Variants in SRGAP1 observed in about 807,000 individuals in gnomAD.
SRGAP1 encodes SLIT-ROBO Rho GTPase-activating protein 1.
SRGAP1 carries 43 observed loss-of-function variants against 121.9 expected under a neutral mutation model. That is an observed-to-expected ratio of 0.35 (90% CI 0.28 to 0.46). The LOEUF (loss-of-function observed/expected upper bound fraction) is 0.46, where lower values mean the gene tolerates loss of function less well. Ranked by LOEUF, SRGAP1 falls within the 20% of genes least tolerant of loss-of-function variation. SRGAP1 has a pLI of 1.00. For missense variants in SRGAP1, 1,102 were observed against 1,350.9 expected, an observed-to-expected ratio of 0.82 and a Z score of 2.89; for synonymous variants, 447 against 485.4, an observed-to-expected ratio of 0.92 and a Z score of 1.04.
At chr12:64,054,746 T>C (rs779839528) in intron 6 of SRGAP1, among the ~76,000 whole-genome samples, 69 of 152,152 alleles carry the variant, frequency 4.5e-4, no homozygotes, top group Non-Finnish European at 8.4e-4. Flanking sequence ...TTTTTTCTTT[T>C]ATTATTATAC....
intron 1 of SRGAP1, among the ~76,000 whole-genome samples, chr12:63,899,482 C>T (rs1162009723): frequency 6.6e-6 from 1 of 152,076 alleles, no homozygotes; most frequent in Non-Finnish European, 1.5e-5. Context: ...GCTACTGAAC[C>T]AGAATAGGTT....
intron 2 of SRGAP1, among the ~76,000 whole-genome samples, chr12:63,984,955 G>A (rs924109257): frequency 6.6e-6 from 1 of 150,678 alleles, no homozygotes; most frequent in Non-Finnish European, 1.5e-5. Context: ...GGCGGAGGTT[G>A]CAGTGAGCTG....
At chr12:64,118,938 C>A (rs1180667877) in intron 18 of SRGAP1, among the ~76,000 whole-genome samples, 1 of 152,058 alleles carries the variant, frequency 6.6e-6, no homozygotes, top group Non-Finnish European at 1.5e-5. Flanking sequence ...AACTCCTGAC[C>A]TCAAGTGATC....
intron 1 of SRGAP1, among the ~76,000 whole-genome samples, chr12:63,956,067 T>G (rs1366162498): frequency 1.3e-5 from 2 of 152,180 alleles, no homozygotes; most frequent in Non-Finnish European, 2.9e-5. Context: ...ATAAGAGTGA[T>G]TTCTTTTTTT....
chr12:63,932,544 C>G (rs1254052240), intron 1 of SRGAP1, among the ~76,000 whole-genome samples: 1 of 152,114 alleles, frequency 6.6e-6, no homozygotes, highest in African/African-American at 2.4e-5. Context: ...ATTACTAATT[C>G]TTTTCATGAA....
chr12:64,052,630 A>C (rs2136520832), intron 6 of SRGAP1, among the ~76,000 whole-genome samples: 1 of 152,296 alleles, frequency 6.6e-6, no homozygotes, highest in East Asian at 1.9e-4. Context: ...TTAAAAAAGA[A>C]AAAGCATGGA....
intron 2 of SRGAP1, 48 bp from the exon 3 acceptor site, chr12:63,989,862 G>C: frequency 6.6e-7 from 1 of 1,520,146 alleles, no homozygotes; most frequent in Non-Finnish European, 8.9e-7. Flanking sequence ...TCATCTGATT[G>C]GGGCAACTTT....
intron 21 of SRGAP1, among the ~76,000 whole-genome samples, chr12:64,137,013 C>T (rs2036866390): frequency 6.6e-6 from 1 of 152,212 alleles, no homozygotes; most frequent in African/African-American, 2.4e-5. Context: ...CCTGTAATCC[C>T]AGCACTTTGG....
chr12:63,874,186 T>C (rs1371147369), intron 1 of SRGAP1, among the ~76,000 whole-genome samples: 1 of 152,056 alleles, frequency 6.6e-6, no homozygotes, highest in Non-Finnish European at 1.5e-5. Context: ...GTTAGCATAA[T>C]ATGGAACCAT....
In SRGAP1 at chr12:64,016,106, G is replaced by C. The variant is rs539968158; in HGVS notation, c.427-844G>C. ...ATTGAAAATAATAATAAATGCAGAG[G>C]TAAAAGTTGATGGACCTTGAGTGGA... On this transcript the variant is annotated intron_variant, in intron 3 of 21. Transcript: ENST00000355086. Among the ~76,000 whole-genome samples, 36 of 152,134 alleles carry C rather than the reference G, an allele frequency of 2.4e-4. No homozygotes were observed. The South Asian group carries it at 7.5e-3, about 32-fold the overall frequency.
At chr12:64,009,306 T>C (rs953621051) in intron 3 of SRGAP1, among the ~76,000 whole-genome samples, 1 of 152,190 alleles carries the variant, frequency 6.6e-6, no homozygotes, top group Admixed American at 6.5e-5. Context: ...ATTCATTTAG[T>C]GACACTGAAA....
At chr12:64,065,920 A>G (rs918969136) in intron 8 of SRGAP1, among the ~76,000 whole-genome samples, 1 of 152,236 alleles carries the variant, frequency 6.6e-6, no homozygotes, top group Non-Finnish European at 1.5e-5. Context: ...AATATAAAAT[A>G]TGATTTATCA....
intron 1 of SRGAP1, among the ~76,000 whole-genome samples, chr12:63,895,382 AT>A (rs141552892): frequency 1.3e-3 from 195 of 152,334 alleles, no homozygotes; most frequent in African/African-American, 4.5e-3. Context: ...AACTAGCCAC[AT>A]TTGACCACTT....
chr12:64,023,143 T>TA (rs1428843389), intron 4 of SRGAP1, among the ~76,000 whole-genome samples: 1 of 145,456 alleles, frequency 6.9e-6, no homozygotes, highest in Non-Finnish European at 1.5e-5. Context: ...TAACAGTAAT[T>TA]ACAGATGGTT....
chr12:63,964,806 GC>G (rs2032741430), intron 1 of SRGAP1, among the ~76,000 whole-genome samples: 1 of 152,052 alleles, frequency 6.6e-6, no homozygotes, highest in South Asian at 2.1e-4. Flanking sequence ...TGTGTTTAAG[GC>G]CCAATTCCCT....
intron 21 of SRGAP1, among the ~76,000 whole-genome samples, chr12:64,136,504 A>C (rs1438647876): frequency 1.3e-5 from 2 of 152,258 alleles, no homozygotes; most frequent in South Asian, 2.1e-4. Flanking sequence ...AGTGAATGAG[A>C]AATGAATGAA....
chr12:63,928,135 A>G (rs1368144331), intron 1 of SRGAP1, among the ~76,000 whole-genome samples: 4 of 152,266 alleles, frequency 2.6e-5, no homozygotes, highest in Non-Finnish European at 5.9e-5. Flanking sequence ...ATAGTTATCA[A>G]ATTCTATACT....
Position 63,976,132 on chromosome 12 carries a change from A to G in SRGAP1, c.68-7815A>G, listed in dbSNP as rs577421951. 2.2e-4 allele frequency among the ~76,000 whole-genome samples: 33 copies of G among 152,290 alleles called. 1 individual carries two copies. The South Asian group carries it at 6.8e-3, about 32-fold the overall frequency. ...GTCCTGCTAGACCAACAAGATCCAA[A>G]TATCCAGCCTAAACACAGGTATTTT... On this transcript the variant is annotated intron_variant, in intron 1 of 21. Coordinates refer to ENST00000355086, the MANE Select transcript of SRGAP1 (RefSeq NM_020762.4).
At position 64,153,978 on chromosome 12, in the gene SRGAP1, C is replaced by T. The variant is rs1433766223; in HGVS notation, c.*11306C>T. ...TGCAGCCTTAAAAAAGAAGGAATTC[C>T]TGTCATATGCCACAATATGGATGAA... On this transcript the variant is annotated 3_prime_UTR_variant, in exon 22 of 22. Transcript: ENST00000355086. 1 of 152,146 alleles carries T rather than the reference C, an allele frequency of 6.6e-6. No homozygotes were observed. Among genetic ancestry groups the T allele is most frequent in the Admixed American group, 6.5e-5 (1 of 15,274 alleles). The allele number at this position is 152,146 out of a possible 1,614,324, so 9.4% of individuals were successfully genotyped here. A position where few individuals can be genotyped will look rare whatever the true frequency, so the allele number is the denominator to read the frequency against.
Sources: allele counts gnomAD v4.1 joint callset (sites outside exome capture counted in the v4.1 genomes callset), GRCh38; gene constraint gnomAD v4.1.1; transcripts MANE v1.5; gene names NCBI Gene and HGNC (gene_info 2026-07-23, HGNC 2026-07-21).